The following TMEM163 variants were observed in gnomAD, a reference collection of about 807,000 sequenced individuals.
The protein encoded by TMEM163 is transmembrane protein 163.
Under a neutral mutation model 29.3 loss-of-function variants are expected in TMEM163, and 17 were observed. That is an observed-to-expected ratio of 0.58 (90% CI 0.40 to 0.87). The LOEUF is 0.87. Among genes scored for constraint, TMEM163 ranks in the 40% least tolerant of loss-of-function variants. The probability of loss-of-function intolerance (pLI) is 0.00; values close to 1 mark genes in which losing one functional copy is unlikely to be tolerated. For synonymous variants in TMEM163, 157 were observed against 160.6 expected, an observed-to-expected ratio of 0.98 and a Z score of 0.17; for missense variants, 303 against 381.5, an observed-to-expected ratio of 0.79 and a Z score of 1.71.
intron 4 of TMEM163, among the ~76,000 whole-genome samples, chr2:134,508,191 G>A (rs1679869084): frequency 6.6e-6 from 1 of 152,144 alleles, no homozygotes; most frequent in African/African-American, 2.4e-5. Flanking sequence ...ACCAATTCTA[G>A]GTTACTTCCT....
chr2:134,646,655 G>T (rs1683344359), intron 2 of TMEM163, among the ~76,000 whole-genome samples: 1 of 151,724 alleles, frequency 6.6e-6, no homozygotes, highest in African/African-American at 2.4e-5. Context: ...ATGTTGGCCA[G>T]GTTGATCTCG....
intron 4 of TMEM163, among the ~76,000 whole-genome samples, chr2:134,504,908 C>A (rs1225627969): frequency 6.6e-6 from 1 of 152,126 alleles, no homozygotes; most frequent in Non-Finnish European, 1.5e-5. Context: ...CATACTGTAG[C>A]AAGAGCAGGG....
intron 2 of TMEM163, among the ~76,000 whole-genome samples, chr2:134,595,943 A>G (rs7584925): frequency 0.64 from 97,428 of 152,004 alleles, 32,565 homozygotes; most frequent in African/African-American, 0.78. Flanking sequence ...CATATTCTTC[A>G]CCCACTTGTT....
chr2:134,681,336 A>G (rs1684228728), intron 2 of TMEM163, among the ~76,000 whole-genome samples: 1 of 152,138 alleles, frequency 6.6e-6, no homozygotes, highest in South Asian at 2.1e-4. Context: ...GCTATGCATT[A>G]CCTGCCTCCT....
At chr2:134,615,254 C>A (rs893552118) in intron 2 of TMEM163, among the ~76,000 whole-genome samples, 4 of 152,118 alleles carry the variant, frequency 2.6e-5, no homozygotes, top group African/African-American at 4.8e-5. Context: ...CCTATCAGAG[C>A]AACATGAATT....
At chr2:134,527,606 G>A (rs372329935) in intron 4 of TMEM163, among the ~76,000 whole-genome samples, 101 of 152,254 alleles carry the variant, frequency 6.6e-4, no homozygotes, top group African/African-American at 2.3e-3. Context: ...CAACACCACA[G>A]GGCTCTCCAC....
chr2:134,674,307 G>A (rs972593549), intron 2 of TMEM163, among the ~76,000 whole-genome samples: 2 of 149,644 alleles, frequency 1.3e-5, no homozygotes. Flanking sequence ...AGGGTAGGAT[G>A]TGAACGTTGT....
At chr2:134,641,944 A>G (rs188843086) in intron 2 of TMEM163, among the ~76,000 whole-genome samples, 1 of 152,364 alleles carries the variant, frequency 6.6e-6, no homozygotes, top group Admixed American at 6.5e-5. Context: ...TTAATATCAG[A>G]CAAAGTAGAT....
chr2:134,702,661 T>A (rs908460068), intron 2 of TMEM163, among the ~76,000 whole-genome samples: 3 of 150,098 alleles, frequency 2.0e-5, no homozygotes, highest in South Asian at 2.1e-4. Context: ...AAAAATAAAT[T>A]AATTAATTAA....
intron 2 of TMEM163, among the ~76,000 whole-genome samples, chr2:134,594,869 C>CTCTCTCTACT (rs1682030244): frequency 6.6e-6 from 1 of 151,820 alleles, no homozygotes; most frequent in Non-Finnish European, 1.5e-5. Context: ...CTCTCTCTCT[C>CTCTCTCTACT]TCTCTCTCTC....
intron 1 of TMEM163, among the ~76,000 whole-genome samples, chr2:134,716,656 A>G (rs868530585): frequency 1.6e-4 from 24 of 152,210 alleles, no homozygotes; most frequent in African/African-American, 4.8e-4. Context: ...TCCTCTCACC[A>G]GCAGGAAAGA....
At position 134,456,854 on chromosome 2, in the gene TMEM163, T is replaced by G. The variant is rs557732846; in HGVS notation, c.810-78A>C. On this transcript the variant is annotated intron_variant, in intron 7 of 7. Coordinates refer to ENST00000281924, the MANE Select transcript of TMEM163 (RefSeq NM_030923.5). ...TTGGGGAAGCGTATTTTCATTTTTT[T>G]TTTCCTGAGATAATTCACATACCAT... 4.0e-5 allele frequency: 58 copies of G among 1,458,612 alleles called. No individual in the cohort carries two copies. In the South Asian group the frequency reaches 6.0e-4, roughly 15 times the overall value. 90.4% of individuals were successfully genotyped at this position (1,458,612 alleles called of 1,614,324 possible).
intron 2 of TMEM163, among the ~76,000 whole-genome samples, chr2:134,649,980 G>C (rs1165152324): frequency 1.4e-5 from 2 of 146,588 alleles, no homozygotes; most frequent in Non-Finnish European, 3.0e-5. Flanking sequence ...ACTCCAGCCT[G>C]GGCAACAGAG....
intron 1 of TMEM163, among the ~76,000 whole-genome samples, chr2:134,718,494 G>C (rs983750000): frequency 6.6e-6 from 1 of 152,238 alleles, no homozygotes; most frequent in South Asian, 2.1e-4. Flanking sequence ...GTCCAGGCGG[G>C]GTCGGCCTGA....
At chr2:134,500,742 CAT>C (rs766115545) in intron 5 of TMEM163, among the ~76,000 whole-genome samples, 20 of 151,842 alleles carry the variant, frequency 1.3e-4, no homozygotes, top group African/African-American at 3.6e-4. Context: ...ACAAGCATCA[CAT>C]GTTTTCACTC....
In TMEM163 at chr2:134,718,876, C is replaced by A; in HGVS notation, c.60G>T (p.Pro20=). 9.1e-7 allele frequency: 1 copy of A among 1,101,890 alleles called. No individual in the cohort carries two copies. The highest frequency in any genetic ancestry group is 1.1e-6 in the Non-Finnish European group (1 of 905,984). The allele number at this position is 1,101,890 out of a possible 1,614,324, so 68.3% of individuals were successfully genotyped here. A position where few individuals can be genotyped will look rare whatever the true frequency, so the allele number is the denominator to read the frequency against. The change falls in exon 1 of 8, where the codon CCG becomes CCT. Residue 20 remains proline (P), a synonymous_variant. Transcript: ENST00000281924. ...RSSQGPTVPP[P]PRGHAPPAAA... is the part of the protein sequence containing the mutation. ...CAGCCGGTGGCGCGTGGCCCCGGGG[C>A]GGCGGCGGGACGGTGGGCCCCTGGG... is the stretch of plus-strand genomic sequence containing the variant.
chr2:134,605,111 A>C (rs982320814), intron 2 of TMEM163, among the ~76,000 whole-genome samples: 4 of 149,140 alleles, frequency 2.7e-5, no homozygotes, highest in South Asian at 4.5e-4. Flanking sequence ...TGGGAAGCGG[A>C]GGTTACAGTG....
At chr2:134,513,721 A>G (rs1679997511) in intron 4 of TMEM163, among the ~76,000 whole-genome samples, 1 of 152,088 alleles carries the variant, frequency 6.6e-6, no homozygotes, top group African/African-American at 2.4e-5. Flanking sequence ...TGCTCCCTCC[A>G]AGCTCCATTC....
chr2:134,490,549 A>T (rs775519171), intron 5 of TMEM163, among the ~76,000 whole-genome samples: 1 of 152,162 alleles, frequency 6.6e-6, no homozygotes, highest in Non-Finnish European at 1.5e-5. Context: ...CAACTCCCAC[A>T]AGGGCCTGGG....
Sources: allele counts gnomAD v4.1 joint callset (sites outside exome capture counted in the v4.1 genomes callset), GRCh38; gene constraint gnomAD v4.1.1; transcripts MANE v1.5; gene names NCBI Gene and HGNC (gene_info 2026-07-23, HGNC 2026-07-21).